Variants in KCMF1 observed in about 807,000 individuals in gnomAD.
KCMF1 encodes the protein potassium channel modulatory factor 1, also known as E3 ubiquitin-protein ligase KCMF1.
In KCMF1, 3 loss-of-function variants were observed where a neutral mutation model predicts 41.1. That is an observed-to-expected ratio of 0.07 (90% CI 0.03 to 0.19). The LOEUF (loss-of-function observed/expected upper bound fraction) is 0.19. Among genes scored for constraint, KCMF1 ranks in the 10% least tolerant of loss-of-function variants. KCMF1 has a pLI of 1.00. For synonymous variants in KCMF1, 142 were observed against 164.5 expected, an observed-to-expected ratio of 0.86 and a Z score of 1.04; for missense variants, 286 against 488.9, an observed-to-expected ratio of 0.58 and a Z score of 3.91.
chr2:84,977,218 G>A (rs1182906611), intron 1 of KCMF1, among the ~76,000 whole-genome samples: 1 of 152,188 alleles, frequency 6.6e-6, no homozygotes, highest in South Asian at 2.1e-4. Context: ...TGCCACTGAA[G>A]CACACATATA....
intron 2 of KCMF1, among the ~76,000 whole-genome samples, chr2:85,033,756 G>A (rs1675341098): frequency 6.6e-6 from 1 of 152,092 alleles, no homozygotes. Context: ...CTTTGGTGGG[G>A]ACAAACCATA....
rs1336994854 is a variant in KCMF1 at position 84,991,267 on chromosome 2, G to A, written c.16+19800G>A. On this transcript the variant is annotated intron_variant, in intron 1 of 6. Coordinates refer to ENST00000409785, the MANE Select transcript of KCMF1 (RefSeq NM_020122.5). The stretch of plus-strand genomic sequence containing the variant: ...CTGACATGGGGAAGGCAGGAGGAAG[G>A]GAGAAGCATTTTGGAGATGGAGGTC... Among the ~76,000 whole-genome samples the A allele has an allele frequency of 3.9e-5, 6 of 152,306 alleles. No individual in the cohort carries two copies. In the South Asian group the frequency reaches 6.2e-4, roughly 16 times the overall value.
intron 2 of KCMF1, among the ~76,000 whole-genome samples, chr2:85,034,087 T>C (rs1463831582): frequency 6.6e-6 from 1 of 151,970 alleles, no homozygotes; most frequent in Non-Finnish European, 1.5e-5. Flanking sequence ...TTCAGTTATG[T>C]TGGAGGCTGA....
At chr2:84,983,331 ATTTT>A (rs541149453) in intron 1 of KCMF1, among the ~76,000 whole-genome samples, 2 of 148,562 alleles carry the variant, frequency 1.3e-5, no homozygotes, top group African/African-American at 4.9e-5. Flanking sequence ...AAAGTCTTAA[ATTTT>A]TTTTTTTAAG....
At chr2:85,022,383 A>G (rs1674967257) in intron 1 of KCMF1, among the ~76,000 whole-genome samples, 2 of 152,096 alleles carry the variant, frequency 1.3e-5, no homozygotes, top group African/African-American at 4.8e-5. Context: ...CTGAGGTAGA[A>G]GGATTGCTTA....
chr2:85,015,875 CTG>C (rs1558576292), intron 1 of KCMF1, among the ~76,000 whole-genome samples: 1 of 152,168 alleles, frequency 6.6e-6, no homozygotes, highest in Non-Finnish European at 1.5e-5. Flanking sequence ...GGGACGACCT[CTG>C]TGTGGCAAGA....
intron 6 of KCMF1, 104 bp downstream of exon 6, chr2:85,049,752 TTG>T: frequency 1.0e-6 from 1 of 961,730 alleles, no homozygotes; most frequent in Non-Finnish European, 1.5e-6. Flanking sequence ...CTTTAAAATT[TTG>T]TGTTTGATTA....
Position 85,041,867 on chromosome 2 carries a change from G to T in KCMF1, c.325-1697G>T, listed in dbSNP as rs569993208. 4.8e-4 allele frequency among the ~76,000 whole-genome samples: 73 copies of T among 151,140 alleles called. 1 individual carries two copies. The highest frequency in any genetic ancestry group is 1.7e-3 in the African/African-American group (71 of 41,022). On this transcript the variant is annotated intron_variant, in intron 3 of 6. Coordinates refer to ENST00000409785, the MANE Select transcript of KCMF1 (RefSeq NM_020122.5). The stretch of plus-strand genomic sequence containing the variant: ...TCTCAAAGAGTTTACAGTTTAGCTA[G>T]GTAAGACCAGAAGCACGTGAAAAGT...
intron 2 of KCMF1, among the ~76,000 whole-genome samples, chr2:85,029,670 T>A (rs917285118): frequency 7.3e-5 from 11 of 150,116 alleles, no homozygotes; most frequent in African/African-American, 2.7e-4. Flanking sequence ...AAATGTTTCA[T>A]GCTATAATTT....
chr2:85,017,912 C>G (rs1252571865), intron 1 of KCMF1, among the ~76,000 whole-genome samples: 2 of 152,030 alleles, frequency 1.3e-5, no homozygotes, highest in Admixed American at 6.6e-5. Flanking sequence ...AAAATGTGTT[C>G]CCACTAGAGG....
Position 85,053,466 on chromosome 2 carries a change from C to G in KCMF1, c.*57C>G. On this transcript the variant is annotated 3_prime_UTR_variant, in exon 7 of 7. Transcript: ENST00000409785. ...TGCTGTATTTGCCAATGAAAGTGGA[C>G]AACAACTATCTTGGGTTTGTTTGGT... The G allele has an allele frequency of 6.6e-7, 1 of 1,513,570 alleles. No individual in the cohort carries two copies. The highest frequency in any genetic ancestry group is 8.9e-7 in the Non-Finnish European group (1 of 1,121,758). The allele number at this position is 1,513,570 out of a possible 1,614,324, so 93.8% of individuals were successfully genotyped here.
At chr2:85,008,961 C>T (rs1179714014) in intron 1 of KCMF1, among the ~76,000 whole-genome samples, 1 of 151,994 alleles carries the variant, frequency 6.6e-6, no homozygotes, top group East Asian at 1.9e-4. Flanking sequence ...AACTCTTGGG[C>T]TCTAGCAGTC....
intron 1 of KCMF1, among the ~76,000 whole-genome samples, chr2:85,005,131 T>G (rs1674435516): frequency 6.6e-6 from 1 of 152,092 alleles, no homozygotes; most frequent in African/African-American, 2.4e-5. Flanking sequence ...GGTCTTGAAC[T>G]CCTGACCTCA....
intron 1 of KCMF1, among the ~76,000 whole-genome samples, chr2:85,023,317 C>CT (rs551221633): frequency 0.92 from 114,955 of 125,090 alleles, 53,261 homozygotes; most frequent in Non-Finnish European, 0.94. Context: ...TCTGAATAGC[C>CT]TTTTTTTTTT....
Position 85,026,492 on chromosome 2 carries a change from A to ATTATTTTTT in KCMF1, c.17-1389_17-1388insTTTATTTTT, listed in dbSNP as rs1553381471. 1.7e-3 allele frequency among the ~76,000 whole-genome samples: 247 copies of ATTATTTTTT among 143,140 alleles called. 1 individual carries two copies. Among genetic ancestry groups the ATTATTTTTT allele is most frequent in the African/African-American group, 6.1e-3 (228 of 37,534 alleles). The allele number at this position is 143,140 out of a possible 152,430, so 93.9% of individuals were successfully genotyped here. ...TATTATTATTATTATTATTATTATT[A>ATTATTTTTT]TTATTTTTATTTTTTCCAGACAGGG... On this transcript the variant is annotated intron_variant, in intron 1 of 6. Transcript: ENST00000409785.
intron 1 of KCMF1, among the ~76,000 whole-genome samples, chr2:84,973,825 C>CTTTTTTTTTTTTTTTTTTTTTTTTTTTTT (rs1238178193): frequency 5.4e-5 from 6 of 110,278 alleles, no homozygotes; most frequent in Admixed American, 9.2e-5. Flanking sequence ...TTATTTCTTT[C>CTTTTTTTTTTTTTTTTTTTTTTTTTTTTT]TTTTTTTTTT....
At chr2:85,035,680 T>C (rs1675388034) in intron 3 of KCMF1, among the ~76,000 whole-genome samples, 1 of 152,176 alleles carries the variant, frequency 6.6e-6, no homozygotes, top group Non-Finnish European at 1.5e-5. Flanking sequence ...TCCTGATCTT[T>C]CCAGTGGCTA....
intron 1 of KCMF1, among the ~76,000 whole-genome samples, chr2:85,024,833 C>T (rs973612812): frequency 6.6e-6 from 1 of 152,002 alleles, no homozygotes; most frequent in Non-Finnish European, 1.5e-5. Flanking sequence ...TGTCCATTCC[C>T]TTTTTTTCTC....
intron 5 of KCMF1, among the ~76,000 whole-genome samples, chr2:85,047,439 T>C (rs913449878): frequency 3.3e-5 from 5 of 152,136 alleles, no homozygotes; most frequent in African/African-American, 1.2e-4. Flanking sequence ...TGGACACATT[T>C]CAGAACTGTT....
Sources: allele counts gnomAD v4.1 joint callset (sites outside exome capture counted in the v4.1 genomes callset), GRCh38; gene constraint gnomAD v4.1.1; transcripts MANE v1.5; gene names NCBI Gene and HGNC (gene_info 2026-07-23, HGNC 2026-07-21).